SIAE: variants seen among roughly 807,000 people sequenced by gnomAD.
SIAE encodes the protein sialic acid acetylesterase.
Under a neutral mutation model 52.6 loss-of-function variants are expected in SIAE, and 39 were observed. The observed-to-expected ratio is 0.74, with a 90% CI of 0.57 to 0.97. The LOEUF is 0.97. SIAE is among the 50% of genes least tolerant of loss of function. SIAE has a pLI of 0.00. For synonymous variants in SIAE, 233 were observed against 241.4 expected (o/e 0.97, Z 0.32); for missense variants, 592 against 662.1 (o/e 0.89, Z 1.16).
intron 3 of SIAE, among the ~76,000 whole-genome samples, chr11:124,655,418 G>A (rs184366554): frequency 2.6e-5 from 4 of 152,250 alleles, no homozygotes; most frequent in East Asian, 1.9e-4. Flanking sequence ...CTCGTGATCC[G>A]CCTGCCTTGG....
intron 4 of SIAE, chr11:124,654,262 A>G: frequency 1.0e-6 from 1 of 985,454 alleles, no homozygotes; most frequent in Non-Finnish European, 1.2e-6. Flanking sequence ...GGGATTAAAG[A>G]AGGCTCTGGA....
chr11:124,668,518 A>G (rs1284860269), intron 2 of SIAE, among the ~76,000 whole-genome samples: 1 of 152,226 alleles, frequency 6.6e-6, no homozygotes, highest in African/African-American at 2.4e-5. Context: ...AATAATAGTA[A>G]TAGTTACAAT....
At chr11:124,671,148 C>T (rs1173256076) in intron 1 of SIAE, among the ~76,000 whole-genome samples, 1 of 152,162 alleles carries the variant, frequency 6.6e-6, no homozygotes, top group African/African-American at 2.4e-5. Flanking sequence ...GTGGATGACT[C>T]TGTGCTGGGC....
At chr11:124,661,647 T>C (rs1422382620) in intron 2 of SIAE, among the ~76,000 whole-genome samples, 1 of 151,808 alleles carries the variant, frequency 6.6e-6, no homozygotes, top group Non-Finnish European at 1.5e-5. Context: ...ATGGCAAAAA[T>C]TATGCCAAGG....
intron 2 of SIAE, among the ~76,000 whole-genome samples, chr11:124,663,403 T>G (rs548677385): frequency 6.6e-6 from 1 of 152,104 alleles, no homozygotes; most frequent in East Asian, 1.9e-4. Context: ...GGTGAAACCC[T>G]GTCTCTACTA....
intron 4 of SIAE, among the ~76,000 whole-genome samples, chr11:124,653,722 T>C (rs143008791): frequency 7.2e-5 from 11 of 152,350 alleles, no homozygotes; most frequent in Non-Finnish European, 1.3e-4. Flanking sequence ...AGGAGAAAGA[T>C]GAAGCATCTG....
At position 124,648,052 on chromosome 11, in the gene SIAE, C is replaced by T; in HGVS notation, c.832+14G>A. 1 of 1,586,282 alleles carries T rather than the reference C, an allele frequency of 6.3e-7. No homozygotes were observed. The highest frequency in any genetic ancestry group is 8.7e-7 in the Non-Finnish European group (1 of 1,154,756). On this transcript the variant is annotated intron_variant, in intron 6 of 9. Coordinates refer to ENST00000263593, the MANE Select transcript of SIAE (RefSeq NM_170601.5). Reference sequence around the variant, plus strand: ...TATCTGATACAATGGAGAAAGAGTACACTGAACACTTACCCTGGTACCATA... The same window carrying T: ...TATCTGATACAATGGAGAAAGAGTATACTGAACACTTACCCTGGTACCATA...
At chr11:124,673,761 G>C, upstream of SIAE, 3 of 1,594,720 alleles carry the variant, frequency 1.9e-6, no homozygotes, top group East Asian at 2.3e-5. Context: ...TTCCCGGCAG[G>C]GGCGGGGCCT....
chr11:124,663,171 G>A (rs1943216429), intron 2 of SIAE, among the ~76,000 whole-genome samples: 1 of 151,940 alleles, frequency 6.6e-6, no homozygotes, highest in African/African-American at 2.4e-5. Flanking sequence ...TGTAAACTCT[G>A]ACAATAACAC....
At chr11:124,663,430 C>T (rs1366616159) in intron 2 of SIAE, among the ~76,000 whole-genome samples, 1 of 152,050 alleles carries the variant, frequency 6.6e-6, no homozygotes, top group Non-Finnish European at 1.5e-5. Flanking sequence ...CAAAAATGAG[C>T]TGGGCATGGT....
intron 3 of SIAE, among the ~76,000 whole-genome samples, chr11:124,658,675 G>C (rs1057232034): frequency 6.6e-6 from 1 of 152,130 alleles, no homozygotes; most frequent in African/African-American, 2.4e-5. Flanking sequence ...CTAACAACAA[G>C]ATGGGCACAC....
chr11:124,663,987 G>T (rs1943232031), intron 2 of SIAE, among the ~76,000 whole-genome samples: 2 of 152,172 alleles, frequency 1.3e-5, no homozygotes, highest in Admixed American at 1.3e-4. Context: ...CCAGGCCCAG[G>T]TTTCTGTAAA....
intron 6 of SIAE, 40 bp from the exon 7 acceptor site, chr11:124,647,538 C>T: frequency 6.2e-7 from 1 of 1,612,756 alleles, no homozygotes; most frequent in Non-Finnish European, 8.5e-7. Flanking sequence ...TTGGAGTAGA[C>T]TGCAAAAATG....
chr11:124,639,945 C>CT (rs1942817950), intron 7 of SIAE, 78 bp from the exon 8 acceptor site: 1 of 1,508,092 alleles, frequency 6.6e-7, no homozygotes, highest in Admixed American at 1.7e-5. Flanking sequence ...GACTCTGCTT[C>CT]TGCTTCTCTC....
chr11:124,655,187 T>G (rs577048520), intron 3 of SIAE, among the ~76,000 whole-genome samples: 4 of 150,232 alleles, frequency 2.7e-5, no homozygotes, highest in Admixed American at 2.0e-4. Flanking sequence ...TTTTTTTTTT[T>G]TTTGTGTGTG....
At chr11:124,664,928 G>A (rs905898540) in intron 2 of SIAE, among the ~76,000 whole-genome samples, 2 of 143,592 alleles carry the variant, frequency 1.4e-5, no homozygotes, top group African/African-American at 5.3e-5. Flanking sequence ...CTGCAAAGTG[G>A]CTCAGTGGTT....
intron 1 of SIAE, 114 bp downstream of exon 1, chr11:124,673,528 G>C: frequency 7.8e-7 from 1 of 1,283,626 alleles, no homozygotes; most frequent in South Asian, 1.3e-5. Context: ...GCCTAGCTAG[G>C]TTCCTTCGTC....
At chr11:124,667,057 T>C in intron 2 of SIAE, among the ~76,000 whole-genome samples, 1 of 152,268 alleles carries the variant, frequency 6.6e-6, no homozygotes. Context: ...GCTTTCTGTA[T>C]GTATTTCTAC....
In SIAE at chr11:124,651,377, C is replaced by A. The variant is rs61066038; in HGVS notation, c.545-1581G>T. On this transcript the variant is annotated intron_variant, in intron 4 of 9. Transcript: ENST00000263593. ...CCTGACCAACGTGGTGAAACCCCAT[C>A]TCTACTAAAAATACAAAAAAATTAG... 9.0e-3 allele frequency among the ~76,000 whole-genome samples: 1,370 copies of A among 152,114 alleles called. 23 individuals carry two copies. In the East Asian group the frequency reaches 0.091, roughly 10 times the overall value.
Sources: gnomAD v4.1 joint callset for allele counts (sites outside exome capture counted in the v4.1 genomes callset) on GRCh38, gnomAD v4.1.1 for gene constraint, MANE v1.5 for transcripts, NCBI Gene and HGNC (gene_info 2026-07-23, HGNC 2026-07-21) for gene names.